Variants in ENDOD1 observed in about 807,000 individuals in gnomAD.
ENDOD1 encodes endonuclease domain-containing 1 protein.
ENDOD1 carries 9 observed loss-of-function variants against 6.5 expected under a neutral mutation model. The ratio of observed to expected loss-of-function variants is 1.39; its 90% CI spans 0.84 to 2.43. The LOEUF is 2.43. Among genes scored for constraint, ENDOD1 ranks in the 30% most tolerant of loss-of-function variants. The pLI is 0.00. For missense variants in ENDOD1, 648 were observed against 635.5 expected (o/e 1.02, Z -0.21); for synonymous variants, 255 against 255.2 (o/e 1.00, Z 0.01).
At chr11:95,093,274 T>A (rs1311516056) in intron 1 of ENDOD1, among the ~76,000 whole-genome samples, 1 of 152,238 alleles carries the variant, frequency 6.6e-6, no homozygotes, top group African/African-American at 2.4e-5. Flanking sequence ...TCTAGCATTA[T>A]CCAGCTGCCT....
intron 1 of ENDOD1, among the ~76,000 whole-genome samples, chr11:95,095,980 A>G (rs1446366730): frequency 6.6e-6 from 1 of 152,180 alleles, no homozygotes; most frequent in African/African-American, 2.4e-5. Context: ...TTTCACTACT[A>G]ACATACCATT....
chr11:95,103,061 C>A (rs1859056250), intron 1 of ENDOD1, among the ~76,000 whole-genome samples: 1 of 151,798 alleles, frequency 6.6e-6, no homozygotes, highest in South Asian at 2.1e-4. Context: ...TTCAATTTCT[C>A]CCACAGTTAA....
chr11:95,126,377 A>G (rs953649842), intron 1 of ENDOD1, among the ~76,000 whole-genome samples: 1 of 152,122 alleles, frequency 6.6e-6, no homozygotes, highest in African/African-American at 2.4e-5. Flanking sequence ...GTTAACAAGA[A>G]TTTACTCATT....
chr11:95,114,890 A>G (rs556241723), intron 1 of ENDOD1, among the ~76,000 whole-genome samples: 1 of 152,282 alleles, frequency 6.6e-6, no homozygotes, highest in South Asian at 2.1e-4. Flanking sequence ...TGTTTAGGTT[A>G]CTATAGCTCT....
intron 1 of ENDOD1, among the ~76,000 whole-genome samples, chr11:95,093,237 A>T (rs1258050299): frequency 1.3e-5 from 2 of 152,152 alleles, no homozygotes; most frequent in African/African-American, 4.8e-5. Flanking sequence ...CTAGTTTCTC[A>T]CCATGCTCCA....
intron 1 of ENDOD1, among the ~76,000 whole-genome samples, chr11:95,092,031 T>C (rs782400947): frequency 2.6e-5 from 4 of 152,034 alleles, no homozygotes; most frequent in African/African-American, 4.8e-5. Context: ...TTAATAAAGG[T>C]GAACAAAGTC....
chr11:95,111,535 G>C (rs1327993456), intron 1 of ENDOD1, among the ~76,000 whole-genome samples: 1 of 151,868 alleles, frequency 6.6e-6, no homozygotes, highest in Non-Finnish European at 1.5e-5. Context: ...ATCTGGGGGT[G>C]ATGGGAGACA....
intron 1 of ENDOD1, among the ~76,000 whole-genome samples, chr11:95,110,979 A>G (rs1859143658): frequency 6.6e-6 from 1 of 152,164 alleles, no homozygotes; most frequent in African/African-American, 2.4e-5. Flanking sequence ...ACATGATTCT[A>G]GCTCTAGAGA....
At chr11:95,097,344 A>G (rs1168459229) in intron 1 of ENDOD1, among the ~76,000 whole-genome samples, 4 of 152,170 alleles carry the variant, frequency 2.6e-5, no homozygotes, top group African/African-American at 7.2e-5. Flanking sequence ...AGGCATCTAT[A>G]GAGGGGGAAA....
intron 1 of ENDOD1, among the ~76,000 whole-genome samples, chr11:95,117,146 A>G (rs1219837615): frequency 4.6e-5 from 7 of 152,234 alleles, no homozygotes; most frequent in African/African-American, 1.4e-4. Context: ...ACGGTGGCTC[A>G]TGCCTGTAAT....
At chr11:95,121,750 T>G (rs990846759) in intron 1 of ENDOD1, among the ~76,000 whole-genome samples, 1 of 152,214 alleles carries the variant, frequency 6.6e-6, no homozygotes, top group Non-Finnish European at 1.5e-5. Context: ...GAATTTATTG[T>G]AAGATTATTT....
At chr11:95,113,161 C>T (rs909454338) in intron 1 of ENDOD1, among the ~76,000 whole-genome samples, 1 of 151,830 alleles carries the variant, frequency 6.6e-6, no homozygotes, top group Non-Finnish European at 1.5e-5. Flanking sequence ...TATTTTGATA[C>T]AGGCATGCAA....
At chr11:95,119,033 T>C (rs1242973122) in intron 1 of ENDOD1, among the ~76,000 whole-genome samples, 1 of 152,246 alleles carries the variant, frequency 6.6e-6, no homozygotes, top group East Asian at 1.9e-4. Flanking sequence ...TTCAATCTCT[T>C]TTTTAAATTT....
Position 95,112,489 on chromosome 11 carries a change from A to T in ENDOD1, c.301-15888A>T, listed in dbSNP as rs187884951. Reference sequence around the variant, plus strand: ...TATCTTGTAGGGTTATGTGAAGGGTAAATGGGATGCAACAATGTTTTTGAA... The same window carrying T: ...TATCTTGTAGGGTTATGTGAAGGGTTAATGGGATGCAACAATGTTTTTGAA... On this transcript the variant is annotated intron_variant, in intron 1 of 1. Transcript: ENST00000278505. Among the ~76,000 whole-genome samples, 138 of 152,380 alleles carry T rather than the reference A, an allele frequency of 9.1e-4. 1 individual carries two copies. Among genetic ancestry groups the T allele is most frequent in the African/African-American group, 3.2e-3 (135 of 41,588 alleles).
chr11:95,093,290 T>C (rs1458354432), intron 1 of ENDOD1, among the ~76,000 whole-genome samples: 1 of 152,240 alleles, frequency 6.6e-6, no homozygotes, highest in Non-Finnish European at 1.5e-5. Flanking sequence ...TGCCTGGAGT[T>C]CCTCTCATAA....
chr11:95,109,258 C>T (rs1859124042), intron 1 of ENDOD1, among the ~76,000 whole-genome samples: 1 of 152,202 alleles, frequency 6.6e-6, no homozygotes, highest in Non-Finnish European at 1.5e-5. Flanking sequence ...GGGAAGGAAA[C>T]TCCACCCTCC....
intron 1 of ENDOD1, among the ~76,000 whole-genome samples, chr11:95,090,737 G>A (rs1013982857): frequency 3.9e-5 from 6 of 152,194 alleles, no homozygotes; most frequent in Non-Finnish European, 7.3e-5. Context: ...AGACTACCCA[G>A]TTAGTAAGAT....
chr11:95,109,838 A>T (rs188947352), intron 1 of ENDOD1, among the ~76,000 whole-genome samples: 43 of 152,380 alleles, frequency 2.8e-4, no homozygotes, highest in African/African-American at 1.0e-3. Flanking sequence ...CAGCGGTGCC[A>T]TTAGCACCTG....
intron 1 of ENDOD1, among the ~76,000 whole-genome samples, chr11:95,113,169 C>T (rs187286942): frequency 6.1e-4 from 93 of 152,024 alleles, no homozygotes; most frequent in African/African-American, 2.0e-3. Context: ...TACAGGCATG[C>T]AATGTCTAAT....
Sources: gnomAD v4.1 joint callset for allele counts (sites outside exome capture counted in the v4.1 genomes callset) on GRCh38, gnomAD v4.1.1 for gene constraint, MANE v1.5 for transcripts, NCBI Gene and HGNC (gene_info 2026-07-23, HGNC 2026-07-21) for gene names.